SLC44A3: variants seen among roughly 807,000 people sequenced by gnomAD.
SLC44A3 encodes the protein solute carrier family 44 member 3.
In SLC44A3, 74 loss-of-function variants were observed where a neutral mutation model predicts 75.4. The observed-to-expected ratio is 0.98, with a 90% confidence interval of 0.81 to 1.19. SLC44A3 has a LOEUF of 1.19. SLC44A3 is among the 50% of genes most tolerant of loss of function. SLC44A3 has a pLI of 0.00. For synonymous variants in SLC44A3, 310 were observed against 296.9 expected (o/e 1.04, Z -0.45); for missense variants, 700 against 778.6 (o/e 0.90, Z 1.20).
chr1:94,892,700 C>T (rs3860360), intron 14 of SLC44A3, among the ~76,000 whole-genome samples, 183 bp downstream of exon 14: 8,956 of 152,188 alleles, frequency 0.059, 360 homozygotes, highest in African/African-American at 0.1. Context: ...AACCCACCTC[C>T]CTTTCTGAGA....
At chr1:94,863,181 C>T (rs1412576531) in intron 10 of SLC44A3, among the ~76,000 whole-genome samples, 1 of 152,142 alleles carries the variant, frequency 6.6e-6, no homozygotes, top group African/African-American at 2.4e-5. Context: ...TCTCCCATCA[C>T]GTGATAACCC....
intron 9 of SLC44A3, among the ~76,000 whole-genome samples, chr1:94,850,515 A>C (rs1665085589): frequency 6.6e-6 from 1 of 152,240 alleles, no homozygotes; most frequent in South Asian, 2.1e-4. Flanking sequence ...ACAGGACTGC[A>C]CACAGCATAC....
chr1:94,878,167 G>A (rs560134528), intron 12 of SLC44A3, among the ~76,000 whole-genome samples: 6 of 152,014 alleles, frequency 3.9e-5, no homozygotes, highest in Admixed American at 2.0e-4. Flanking sequence ...CCCAGGGGGC[G>A]GAGCCTGCAG....
Position 94,867,334 on chromosome 1 carries a change from C to G in SLC44A3, c.1399C>G (p.His467Asp), listed in dbSNP as rs775713514. 5.7e-6 allele frequency: 9 copies of G among 1,585,112 alleles called. No individual in the cohort carries two copies. The highest frequency in any genetic ancestry group is 7.7e-6 in the Non-Finnish European group (9 of 1,162,590). ...CTTTGTTCTCAACCTGATCCAGCAGCATGGTGCATTGTCCAGGTACCTGTT... is the reference window on the plus strand; with the variant it reads ...CTTTGTTCTCAACCTGATCCAGCAGGATGGTGCATTGTCCAGGTACCTGTT... ...YMQNALKEQQ[H>D]GALSRYLFRC... is the part of the protein sequence containing the mutation. The change falls in exon 12 of 15, where the codon CAT becomes GAT. Residue 467 changes from histidine (H) to aspartate (D), a missense_variant. Transcript: ENST00000271227.
chr1:94,849,617 G>A (rs1664934207), intron 9 of SLC44A3, among the ~76,000 whole-genome samples: 1 of 152,182 alleles, frequency 6.6e-6, no homozygotes. Context: ...CGGGTGGCGA[G>A]CCCGCTGCAC....
intron 8 of SLC44A3, chr1:94,842,999 C>T (rs1293589628): frequency 6.6e-6 from 1 of 152,198 alleles, no homozygotes; most frequent in African/African-American, 2.4e-5. Context: ...AGTAAAGCAC[C>T]TGGTTGCTCT....
chr1:94,849,310 A>C (rs1664883574), intron 9 of SLC44A3, among the ~76,000 whole-genome samples: 2 of 152,140 alleles, frequency 1.3e-5, no homozygotes, highest in Non-Finnish European at 2.9e-5. Flanking sequence ...GGTCGATTTT[A>C]GGCTTCTCAG....
intron 14 of SLC44A3, among the ~76,000 whole-genome samples, chr1:94,893,056 T>TA (rs916060187): frequency 6.6e-6 from 1 of 152,206 alleles, no homozygotes; most frequent in Non-Finnish European, 1.5e-5. Flanking sequence ...GGAGCGCCCA[T>TA]ACTGCTTATA....
chr1:94,820,358 G>GCCCCCC lies in SLC44A3; in HGVS notation c.-90_-89insCCCCCC. ...GGCTCCAGCCCCAGCCCCAGCCCCA[G>GCCCCCC]CCCCGGCCCCGGCCCCGGCTCGCGG... On this transcript the variant is annotated 5_prime_UTR_variant, in exon 1 of 15. Coordinates refer to ENST00000271227, the MANE Select transcript of SLC44A3 (RefSeq NM_001114106.3). 7.9e-7 allele frequency: 1 copy of GCCCCCC among 1,263,536 alleles called. No individual in the cohort carries two copies. Among genetic ancestry groups the GCCCCCC allele is most frequent in the Non-Finnish European group, 1.0e-6 (1 of 998,592 alleles). 78.3% of individuals were successfully genotyped at this position (1,263,536 alleles called of 1,614,324 possible). A position where few individuals can be genotyped will look rare whatever the true frequency, so the allele number is the denominator to read the frequency against.
chr1:94,849,950 G>A (rs552070595), intron 9 of SLC44A3, among the ~76,000 whole-genome samples: 1 of 152,128 alleles, frequency 6.6e-6, no homozygotes, highest in South Asian at 2.1e-4. Flanking sequence ...ATTTTGCCGT[G>A]TTGCCCAGGT....
chr1:94,893,539 C>A (rs1323850990), intron 14 of SLC44A3, among the ~76,000 whole-genome samples: 1 of 151,948 alleles, frequency 6.6e-6, no homozygotes, highest in Non-Finnish European at 1.5e-5. Context: ...CACCACCACG[C>A]CTAATTTTGT....
intron 12 of SLC44A3, among the ~76,000 whole-genome samples, chr1:94,874,735 G>A (rs1668102554): frequency 6.6e-6 from 1 of 152,132 alleles, no homozygotes; most frequent in Admixed American, 6.5e-5. Flanking sequence ...ACTACCTATA[G>A]CCTCACAAAG....
chr1:94,857,355 G>A lies in SLC44A3; in HGVS notation c.1093G>A (p.Gly365Ser), dbSNP rs938758367. Residue 365 changes from glycine (G) to serine (S), a missense_variant, in exon 10 of 15, where the codon GGC becomes AGC. Gly to Ser is a moderately conservative substitution (Grantham distance 56). Transcript: ENST00000271227. ...TTTAGGAGCTGCCCAGGTTATGGAA[G>A]GCGGCCAAGTGGAATATAAGCCCCT... is the stretch of plus-strand genomic sequence containing the variant. ...GTAGAAQVME[G>S]GQVEYKPLSG... 1 of 1,609,510 alleles carries A rather than the reference G, an allele frequency of 6.2e-7. No individual in the cohort carries two copies. The highest frequency in any genetic ancestry group is 8.5e-7 in the Non-Finnish European group (1 of 1,178,508).
chr1:94,837,691 C>CT lies in SLC44A3; in HGVS notation c.510-13dup, dbSNP rs759606562. 3 of 1,535,520 alleles carry CT rather than the reference C, an allele frequency of 2.0e-6. No individual in the cohort carries two copies. Among genetic ancestry groups the CT allele is most frequent in the South Asian group, 1.3e-5 (1 of 79,652 alleles). The stretch of plus-strand genomic sequence containing the variant: ...AATGTTAAATAAACATTTTTGCCAT[C>CT]TTTTTTTCTCTATTTTTAGCAAGTC... On this transcript the variant is annotated intron_variant, in intron 5 of 14. Transcript: ENST00000271227.
chr1:94,835,227 A>C (rs1397896272), intron 5 of SLC44A3, among the ~76,000 whole-genome samples: 1 of 152,222 alleles, frequency 6.6e-6, no homozygotes, highest in Non-Finnish European at 1.5e-5. Context: ...AGGTGGGAGG[A>C]TGGCTTGAGC....
chr1:94,878,272 A>C (rs58478532), intron 12 of SLC44A3, among the ~76,000 whole-genome samples: 7 of 150,810 alleles, frequency 4.6e-5, no homozygotes, highest in Non-Finnish European at 1.0e-4. Context: ...AAAAAAAAAC[A>C]GAGAAACTTG....
chr1:94,850,826 T>C (rs1665125293), intron 9 of SLC44A3, among the ~76,000 whole-genome samples: 1 of 152,248 alleles, frequency 6.6e-6, no homozygotes, highest in Non-Finnish European at 1.5e-5. Context: ...TATTCTTTGC[T>C]TTCTCTGGCA....
chr1:94,838,848 G>A (rs1330423184), intron 6 of SLC44A3: 1 of 152,180 alleles, frequency 6.6e-6, no homozygotes, highest in African/African-American at 2.4e-5. Context: ...ATGACCTAAT[G>A]TCCCTGCAAG....
chr1:94,869,998 C>T (rs1667578676), intron 12 of SLC44A3, among the ~76,000 whole-genome samples: 1 of 152,194 alleles, frequency 6.6e-6, no homozygotes, highest in Non-Finnish European at 1.5e-5. Flanking sequence ...TTTCCCACTG[C>T]TTCTTAAAAG....
Sources: allele counts gnomAD v4.1 joint callset (sites outside exome capture counted in the v4.1 genomes callset), GRCh38; gene constraint gnomAD v4.1.1; transcripts MANE v1.5; gene names NCBI Gene and HGNC (gene_info 2026-07-23, HGNC 2026-07-21).